The following CACNA1E variants were observed in gnomAD, a reference collection of about 807,000 sequenced individuals.
CACNA1E encodes the protein voltage-dependent R-type calcium channel subunit alpha-1E.
In CACNA1E, 40 loss-of-function variants were observed where a neutral mutation model predicts 259.2. The ratio of observed to expected loss-of-function variants is 0.15; its 90% CI spans 0.12 to 0.20. CACNA1E has a LOEUF of 0.20. Among genes scored for constraint, CACNA1E ranks in the 10% least tolerant of loss-of-function variants. The pLI, the probability that CACNA1E is intolerant of heterozygous loss-of-function variation, is 1.00. For missense variants in CACNA1E, 1,874 were observed against 3,040.1 expected (o/e 0.62, Z 9.02); for synonymous variants, 1,104 against 1,138.5 (o/e 0.97, Z 0.61).
chr1:181,639,553 C>T (rs575842071), intron 6 of CACNA1E, among the ~76,000 whole-genome samples: 5 of 152,282 alleles, frequency 3.3e-5, no homozygotes, highest in East Asian at 1.9e-4. Context: ...CTCTGCCTTC[C>T]GACAGCTTAC....
chr1:181,593,201 C>CT (rs144116363), intron 6 of CACNA1E, among the ~76,000 whole-genome samples: 6,394 of 152,238 alleles, frequency 0.042, 483 homozygotes, highest in African/African-American at 0.15. Flanking sequence ...CTTTTTGCTG[C>CT]TGTGAGCTGT....
intron 1 of CACNA1E, among the ~76,000 whole-genome samples, chr1:181,355,543 G>A (rs751903223): frequency 7.2e-5 from 11 of 152,012 alleles, no homozygotes; most frequent in East Asian, 1.9e-4. Context: ...AGCCGAAATC[G>A]CACCAATACA....
At chr1:181,529,502 C>G (rs1305321452) in intron 3 of CACNA1E, among the ~76,000 whole-genome samples, 2 of 152,200 alleles carry the variant, frequency 1.3e-5, no homozygotes, top group Non-Finnish European at 2.9e-5. Flanking sequence ...GATCCATTGG[C>G]AGCTTGCACT....
At chr1:181,557,571 T>C (rs1413591022) in intron 3 of CACNA1E, among the ~76,000 whole-genome samples, 1 of 152,188 alleles carries the variant, frequency 6.6e-6, no homozygotes, top group East Asian at 1.9e-4. Flanking sequence ...ACCCCAGTGA[T>C]TGCCTCCGAG....
intron 8 of CACNA1E, among the ~76,000 whole-genome samples, chr1:181,711,320 T>C (rs922929574): frequency 1.3e-5 from 2 of 152,196 alleles, no homozygotes; most frequent in African/African-American, 2.4e-5. Flanking sequence ...AAAAGTAACA[T>C]AACCCAATCC....
chr1:181,501,021 A>C (rs1175282629), intron 1 of CACNA1E, among the ~76,000 whole-genome samples: 1 of 152,340 alleles, frequency 6.6e-6, no homozygotes, highest in South Asian at 2.1e-4. Flanking sequence ...CCAATTCATC[A>C]GAGTGTCATC....
intron 7 of CACNA1E, among the ~76,000 whole-genome samples, chr1:181,707,707 A>G (rs1652928484): frequency 6.6e-6 from 1 of 152,160 alleles, no homozygotes; most frequent in Non-Finnish European, 1.5e-5. Flanking sequence ...CAGTGCAGAG[A>G]TGGAGTACTC....
intron 1 of CACNA1E, among the ~76,000 whole-genome samples, chr1:181,376,582 C>T (rs934424637): frequency 9.2e-5 from 14 of 152,094 alleles, no homozygotes; most frequent in African/African-American, 2.9e-4. Context: ...TTTGGAAGGC[C>T]CCTCACAGCT....
intron 30 of CACNA1E, 125 bp from the exon 31 acceptor site, chr1:181,757,822 T>C: frequency 3.9e-6 from 4 of 1,030,790 alleles, no homozygotes; most frequent in Non-Finnish European, 5.7e-6. Flanking sequence ...CCAGTTGCCA[T>C]CTTTACTTGC....
At chr1:181,516,803 C>G (rs1666620785) in intron 3 of CACNA1E, among the ~76,000 whole-genome samples, 1 of 152,188 alleles carries the variant, frequency 6.6e-6, no homozygotes, top group South Asian at 2.1e-4. Flanking sequence ...TGTCTATTTT[C>G]CTAAGAAAAC....
Position 181,509,382 on chromosome 1 carries a change from C to T in CACNA1E, c.267-1095C>T, listed in dbSNP as rs75255140. ...GTTCCAGGCCCTGCACCCTACACAG[C>T]CTGTCTGGGTATGTGGGGAGATAAG... On this transcript the variant is annotated intron_variant, in intron 1 of 47. Transcript: ENST00000367573. Among the ~76,000 whole-genome samples the T allele has an allele frequency of 4.0e-3, 603 of 152,276 alleles. 6 individuals are homozygous for T. The highest frequency in any genetic ancestry group is 0.014 in the African/African-American group (580 of 41,554).
intron 1 of CACNA1E, among the ~76,000 whole-genome samples, chr1:181,321,731 G>A (rs1211464090): frequency 6.6e-6 from 1 of 152,156 alleles, no homozygotes; most frequent in Non-Finnish European, 1.5e-5. Context: ...AGCATGGCTG[G>A]GGGGAAAGGA....
Position 181,720,234 on chromosome 1 carries a change from G to C in CACNA1E, c.1780G>C (p.Val594Leu). 1 of 1,613,914 alleles carries C rather than the reference G, an allele frequency of 6.2e-7. No individual in the cohort carries two copies. Among genetic ancestry groups the C allele is most frequent in the Non-Finnish European group, 8.5e-7 (1 of 1,179,868 alleles). Residue 594 changes from valine to leucine, a missense_variant, in exon 14 of 48, where the codon GTC becomes CTC. Val to Leu is a conservative substitution (Grantham distance 32). Around this residue, in one of 14 missense-constraint regions of CACNA1E, gnomAD observed 102 missense variants for 279.4 expected, o/e 0.37. Coordinates refer to ENST00000367573, the MANE Select transcript of CACNA1E (RefSeq NM_001205293.3). ...KYWASLRNLV[V>L]SLMSSMKSII... ...TTGGGCTTCCCTACGGAATTTGGTGGTCTCCTTGATGAGCTCAATGAAGTC... is the reference window on the plus strand; with the variant it reads ...TTGGGCTTCCCTACGGAATTTGGTGCTCTCCTTGATGAGCTCAATGAAGTC...
intron 1 of CACNA1E, among the ~76,000 whole-genome samples, chr1:181,409,405 C>T (rs1657688982): frequency 1.3e-5 from 2 of 152,188 alleles, no homozygotes; most frequent in East Asian, 3.8e-4. Flanking sequence ...CCCCACTCAA[C>T]CATAGAGGGC....
intron 7 of CACNA1E, among the ~76,000 whole-genome samples, chr1:181,709,809 G>A (rs1653158479): frequency 6.6e-6 from 1 of 152,092 alleles, no homozygotes; most frequent in South Asian, 2.1e-4. Context: ...TCTTTATGGG[G>A]ATCACATTTA....
Position 181,806,638 on chromosome 1 carries a change from A to C in CACNA1E, c.*7804A>C, listed in dbSNP as rs900918081. 8 of 152,210 alleles carry C rather than the reference A, an allele frequency of 5.3e-5. No homozygotes were observed. The highest frequency in any genetic ancestry group is 3.3e-4 in the Admixed American group (5 of 15,284). 9.4% of individuals were successfully genotyped at this position (152,210 alleles called of 1,614,324 possible). A position where few individuals can be genotyped will look rare whatever the true frequency, so the allele number is the denominator to read the frequency against. On this transcript the variant is annotated 3_prime_UTR_variant, in exon 48 of 48. Coordinates refer to ENST00000367573, the MANE Select transcript of CACNA1E (RefSeq NM_001205293.3). ...ATCTCTCCTAAAGCCACAGTTCAGC[A>C]CTGCATGTTGACCAGGCGGATATCC...
At chr1:181,661,140 G>A (rs1228686590) in intron 7 of CACNA1E, among the ~76,000 whole-genome samples, 2 of 152,236 alleles carry the variant, frequency 1.3e-5, no homozygotes. Context: ...CACAGGCAGA[G>A]GCTCATCGAG....
chr1:181,794,906 A>G lies in CACNA1E; in HGVS notation c.6070A>G (p.Ile2024Val). The change falls in exon 46 of 48, where the codon ATT becomes GTT. Residue 2024 changes from isoleucine to valine, a missense_variant. Ile to Val is a conservative substitution (Grantham distance 29). This residue lies in a region of CACNA1E where 542 missense variants were observed against 587.2 expected (regional missense o/e 0.92). Coordinates refer to ENST00000367573, the MANE Select transcript of CACNA1E (RefSeq NM_001205293.3). The stretch of plus-strand genomic sequence containing the variant: ...CTCCATGAGACGTTCATTTTCCACT[A>G]TTCGGGATAAGCGTTCAAATTCCTC... ...PSSMRRSFST[I>V]RDKRSNSSWL... is the part of the protein sequence containing the mutation. 1.2e-6 allele frequency: 2 copies of G among 1,613,760 alleles called. No homozygotes were observed. Among genetic ancestry groups the G allele is most frequent in the Non-Finnish European group, 1.7e-6 (2 of 1,179,766 alleles).
intron 3 of CACNA1E, among the ~76,000 whole-genome samples, chr1:181,575,110 T>C (rs1399734402): frequency 6.6e-6 from 1 of 152,106 alleles, no homozygotes; most frequent in Admixed American, 6.5e-5. Context: ...TCAAGGAGTA[T>C]TGGAACTGTG....
Sources: allele counts gnomAD v4.1 joint callset (sites outside exome capture counted in the v4.1 genomes callset), GRCh38; gene constraint gnomAD v4.1.1; regional missense constraint gnomAD v4.1.1; transcripts MANE v1.5; gene names NCBI Gene and HGNC (gene_info 2026-07-23, HGNC 2026-07-21).